DTNA: variants seen among roughly 807,000 people sequenced by gnomAD.
DTNA encodes dystrobrevin alpha, also known as dystrophin-related protein 3.
A neutral mutation model predicts 100.7 loss-of-function variants in DTNA; 43 were observed. That is an observed-to-expected ratio of 0.43 (90% CI 0.33 to 0.55). The LOEUF is 0.55. DTNA is among the 20% of genes least tolerant of loss of function. The pLI is 0.04. For missense variants in DTNA, 798 were observed against 953.9 expected (o/e 0.84, Z 2.15); for synonymous variants, 349 against 347.9 (o/e 1.00, Z -0.04).
chr18:34,808,209 A>G (rs995470981), intron 5 of DTNA, among the ~76,000 whole-genome samples: 1 of 152,222 alleles, frequency 6.6e-6, no homozygotes. Flanking sequence ...AACCTTTAAC[A>G]TACCAGGCTA....
At position 34,493,719 on chromosome 18, in the gene DTNA, G is replaced by T. The variant is rs530787545; in HGVS notation, c.-2+205G>T. 2.7e-5 allele frequency among the ~76,000 whole-genome samples: 4 copies of T among 149,132 alleles called. No individual in the cohort carries two copies. The South Asian group carries it at 8.3e-4, about 31-fold the overall frequency. ...TGCGCAGGGACCGCAGCCGCCCACGGCGCCGGGGCGCGGACACAGGCGGCT... is the reference window on the plus strand; with the variant it reads ...TGCGCAGGGACCGCAGCCGCCCACGTCGCCGGGGCGCGGACACAGGCGGCT... On this transcript the variant is annotated intron_variant, in intron 1 of 19. Coordinates refer to the DTNA transcript ENST00000283365.
At chr18:34,554,693 A>G (rs1393713648) in intron 1 of DTNA, among the ~76,000 whole-genome samples, 4 of 144,278 alleles carry the variant, frequency 2.8e-5, no homozygotes, top group African/African-American at 1.0e-4. Flanking sequence ...ATTTGCGTAT[A>G]TTGAACCAGC....
chr18:34,603,528 TTTCA>T (rs2052394531), intron 1 of DTNA, among the ~76,000 whole-genome samples: 1 of 152,172 alleles, frequency 6.6e-6, no homozygotes, highest in African/African-American at 2.4e-5. Flanking sequence ...CTTTTTCGGT[TTTCA>T]TTGTCTTGTT....
intron 1 of DTNA, among the ~76,000 whole-genome samples, chr18:34,502,403 G>T (rs73424143): frequency 0.036 from 5,514 of 151,952 alleles, 219 homozygotes; most frequent in African/African-American, 0.096. Context: ...ACTTTTCTTG[G>T]AGAAAGATAA....
intron 1 of DTNA, among the ~76,000 whole-genome samples, chr18:34,633,946 C>T (rs191243477): frequency 6.6e-6 from 1 of 152,252 alleles, no homozygotes; most frequent in East Asian, 1.9e-4. Flanking sequence ...GGGAAATCTA[C>T]AGTACGTTTT....
At chr18:34,626,032 A>C (rs2057275199) in intron 1 of DTNA, among the ~76,000 whole-genome samples, 1 of 152,214 alleles carries the variant, frequency 6.6e-6, no homozygotes, top group African/African-American at 2.4e-5. Context: ...AAATTCTCGT[A>C]GACTGTCAAG....
intron 1 of DTNA, among the ~76,000 whole-genome samples, chr18:34,698,154 C>T (rs990377819): frequency 2.0e-5 from 3 of 152,154 alleles, no homozygotes; most frequent in Admixed American, 6.5e-5. Flanking sequence ...AACCATTTGT[C>T]ATCCCCCTGA....
intron 1 of DTNA, among the ~76,000 whole-genome samples, chr18:34,680,267 A>G (rs1473905476): frequency 1.3e-5 from 2 of 152,138 alleles, no homozygotes; most frequent in Non-Finnish European, 2.9e-5. Flanking sequence ...ATATGTCATC[A>G]CCCTTCCATG....
At chr18:34,883,750 A>G (rs2096895954) in intron 21 of DTNA, among the ~76,000 whole-genome samples, 1 of 152,210 alleles carries the variant, frequency 6.6e-6, no homozygotes, top group Non-Finnish European at 1.5e-5. Context: ...AGATTGTAGC[A>G]GGAGGGAAAC....
At chr18:34,856,725 T>C (rs930201074) in intron 15 of DTNA, among the ~76,000 whole-genome samples, 1 of 152,196 alleles carries the variant, frequency 6.6e-6, no homozygotes, top group Non-Finnish European at 1.5e-5. Flanking sequence ...TACCTATATA[T>C]AATAGAACTG....
In DTNA at chr18:34,540,424, A is replaced by G. The variant is rs142718731; in HGVS notation, c.-2+46910A>G. Among the ~76,000 whole-genome samples, 374 of 152,166 alleles carry G rather than the reference A, an allele frequency of 2.5e-3. 1 individual carries two copies. Among genetic ancestry groups the G allele is most frequent in the African/African-American group, 8.8e-3 (365 of 41,558 alleles). ...ATATCATTTATATGATTTTCATTGT[A>G]TGAAGCATAGAAAATATACTGAACC... On this transcript the variant is annotated intron_variant, in intron 1 of 19. Coordinates refer to the DTNA transcript ENST00000283365.
rs2095495454 is a variant in DTNA, at chr18:34,811,962, T to C, written c.452T>C (p.Ile151Thr). The stretch of plus-strand genomic sequence containing the variant: ...TCTTTCCTTTTCCTTTCATCAGATA[T>C]TTTCTCAATGATTTCTGACTCCAGT... ...GGKIMDKLRY[I>T]FSMISDSSGV... The change falls in exon 6 of 23, where the codon ATT becomes ACT. Residue 151 changes from isoleucine (I) to threonine (T), a missense_variant. Ile to Thr is a moderately conservative substitution (Grantham distance 89, BLOSUM62 -1). Around this residue, in one of 6 missense-constraint regions of DTNA, gnomAD observed 197 missense variants for 215.4 expected, o/e 0.91. Transcript: ENST00000444659. 1.2e-6 allele frequency: 2 copies of C among 1,614,012 alleles called. No homozygotes were observed.
At chr18:34,838,235 T>C in intron 12 of DTNA, 64 bp downstream of exon 12, 1 of 1,559,698 alleles carries the variant, frequency 6.4e-7, no homozygotes, top group Non-Finnish European at 8.8e-7. Context: ...AGATTTCTTT[T>C]GTCAAAAATG....
intron 1 of DTNA, among the ~76,000 whole-genome samples, chr18:34,610,721 T>C (rs111559703): frequency 0.011 from 1,617 of 152,326 alleles, 8 homozygotes; most frequent in Admixed American, 0.021. Context: ...TTTAATGATC[T>C]AGAACAAAAG....
intron 1 of DTNA, among the ~76,000 whole-genome samples, chr18:34,615,748 C>T (rs1449412660): frequency 2.0e-5 from 3 of 152,144 alleles, no homozygotes; most frequent in African/African-American, 7.2e-5. Flanking sequence ...CTCCCACCCT[C>T]CACTCTGAAG....
intron 1 of DTNA, among the ~76,000 whole-genome samples, chr18:34,630,361 AACTGAT>A (rs757310373): frequency 6.6e-6 from 1 of 152,204 alleles, no homozygotes; most frequent in Non-Finnish European, 1.5e-5. Context: ...TAAATGAAAT[AACTGAT>A]ACTAACTCTA....
chr18:34,494,582 A>T (rs1052118862), intron 1 of DTNA, among the ~76,000 whole-genome samples: 3 of 151,894 alleles, frequency 2.0e-5, no homozygotes, highest in Non-Finnish European at 4.4e-5. Flanking sequence ...CACTCCTGGG[A>T]CTTGAAGGTA....
At chr18:34,873,055 G>A (rs2096780707) in intron 17 of DTNA, among the ~76,000 whole-genome samples, 1 of 152,196 alleles carries the variant, frequency 6.6e-6, no homozygotes, top group Admixed American at 6.5e-5. Context: ...AGGATTACAT[G>A]AAGTATTAGG....
intron 17 of DTNA, among the ~76,000 whole-genome samples, chr18:34,873,794 T>A (rs1603327138): frequency 6.6e-6 from 1 of 152,106 alleles, no homozygotes; most frequent in African/African-American, 2.4e-5. Context: ...AAGCAGAAGG[T>A]TTCAAGGTAA....
Sources: gnomAD v4.1 joint callset for allele counts (sites outside exome capture counted in the v4.1 genomes callset) on GRCh38, gnomAD v4.1.1 for gene constraint, gnomAD v4.1.1 regional missense constraint, MANE v1.5 for transcripts, NCBI Gene and HGNC (gene_info 2026-07-23, HGNC 2026-07-21) for gene names.